The following IQCB1 variants were observed in gnomAD, a reference collection of about 807,000 sequenced individuals.
IQCB1 encodes IQ motif containing B1.
A neutral mutation model predicts 84.4 loss-of-function variants in IQCB1; 56 were observed. That is an observed-to-expected ratio of 0.66 (90% confidence interval 0.54 to 0.83). IQCB1 has a LOEUF of 0.83. IQCB1 is among the 40% of genes least tolerant of loss of function. The pLI is 0.00. For synonymous variants in IQCB1, 210 were observed against 234.8 expected (o/e 0.89, Z 0.96); for missense variants, 629 against 682.1 (o/e 0.92, Z 0.87).
chr3:121,834,823 C>T (rs547712975), intron 1 of IQCB1, 143 bp downstream of exon 1: 34 of 234,764 alleles, frequency 1.4e-4, no homozygotes, highest in Middle Eastern at 1.7e-3. Context: ...CAGATCTCTA[C>T]AGAGTGGGCG....
At chr3:121,819,092 T>G (rs2108620341) in intron 5 of IQCB1, among the ~76,000 whole-genome samples, 1 of 152,306 alleles carries the variant, frequency 6.6e-6, no homozygotes, top group African/African-American at 2.4e-5. Context: ...TGGGGATGAT[T>G]CAAGCCCATT....
At chr3:121,777,508 G>A (rs903323591) in intron 13 of IQCB1, among the ~76,000 whole-genome samples, 8 of 152,048 alleles carry the variant, frequency 5.3e-5, no homozygotes, top group Non-Finnish European at 1.2e-4. Flanking sequence ...AATATTATGT[G>A]ACCACTGTTG....
intron 5 of IQCB1, among the ~76,000 whole-genome samples, chr3:121,811,210 G>A (rs552652782): frequency 2.6e-5 from 4 of 152,158 alleles, no homozygotes; most frequent in Middle Eastern, 6.8e-3. Context: ...CCTAGCCAAG[G>A]GAAGGGAGGG....
chr3:121,774,338 A>G (rs1336092308), intron 13 of IQCB1, among the ~76,000 whole-genome samples: 1 of 152,244 alleles, frequency 6.6e-6, no homozygotes, highest in South Asian at 2.1e-4. Flanking sequence ...GTAGAAATGT[A>G]AAATGGTACA....
At chr3:121,813,090 C>T (rs1559789187) in intron 5 of IQCB1, among the ~76,000 whole-genome samples, 1 of 151,762 alleles carries the variant, frequency 6.6e-6, no homozygotes, top group Admixed American at 6.6e-5. Flanking sequence ...ACCCTACAAG[C>T]CAAAAGAGAG....
intron 7 of IQCB1, among the ~76,000 whole-genome samples, chr3:121,807,113 T>G (rs1359527967): frequency 6.8e-6 from 1 of 147,678 alleles, no homozygotes; most frequent in East Asian, 1.9e-4. Context: ...TCCAGTCTTT[T>G]GTAGTATTTT....
intron 7 of IQCB1, among the ~76,000 whole-genome samples, chr3:121,805,859 C>G (rs1244168674): frequency 6.6e-6 from 1 of 152,134 alleles, no homozygotes; most frequent in African/African-American, 2.4e-5. Flanking sequence ...ATGTATAGCT[C>G]TCTTCTCTAG....
intron 6 of IQCB1, 31 bp downstream of exon 6, chr3:121,808,885 C>G (rs1949712830): frequency 5.4e-6 from 7 of 1,291,020 alleles, no homozygotes; most frequent in African/African-American, 1.5e-5. Flanking sequence ...TCTACAATAG[C>G]TATTAGTTAC....
At chr3:121,800,780 A>C (rs1306405826) in intron 7 of IQCB1, among the ~76,000 whole-genome samples, 1 of 147,804 alleles carries the variant, frequency 6.8e-6, no homozygotes, top group Non-Finnish European at 1.5e-5. Context: ...TCTCTATACC[A>C]CTACCATCTT....
chr3:121,792,828 C>T (rs975673502), intron 10 of IQCB1, among the ~76,000 whole-genome samples: 1 of 152,090 alleles, frequency 6.6e-6, no homozygotes, highest in East Asian at 1.9e-4. Context: ...TAAATAACAT[C>T]GAGTTATTTT....
At chr3:121,820,656 C>A (rs1271207458) in intron 5 of IQCB1, among the ~76,000 whole-genome samples, 4 of 152,170 alleles carry the variant, frequency 2.6e-5, no homozygotes, top group African/African-American at 9.6e-5. Flanking sequence ...TGGCTTATCA[C>A]TTCTCTTAAA....
At chr3:121,824,085 A>C (rs902948581) in intron 5 of IQCB1, among the ~76,000 whole-genome samples, 2 of 152,232 alleles carry the variant, frequency 1.3e-5, no homozygotes, top group African/African-American at 4.8e-5. Flanking sequence ...GCTATTTAAA[A>C]CAGACTCATT....
chr3:121,785,644 T>C (rs116821411), intron 12 of IQCB1, among the ~76,000 whole-genome samples: 71 of 152,270 alleles, frequency 4.7e-4, no homozygotes, highest in African/African-American at 1.7e-3. Flanking sequence ...ATATAAAACA[T>C]ACAACAATAT....
intron 5 of IQCB1, among the ~76,000 whole-genome samples, chr3:121,817,868 G>A (rs561991840): frequency 6.6e-6 from 1 of 152,146 alleles, no homozygotes; most frequent in South Asian, 2.1e-4. Flanking sequence ...ACATGAAAGA[G>A]ACAAGAGAGC....
chr3:121,778,927 T>C (rs1347051931), intron 13 of IQCB1, among the ~76,000 whole-genome samples: 7 of 151,840 alleles, frequency 4.6e-5, no homozygotes, highest in Admixed American at 3.9e-4. Context: ...GGTATCTTCT[T>C]GCTTGCACTG....
intron 10 of IQCB1, 98 bp from the exon 11 acceptor site, chr3:121,790,313 T>G: frequency 9.1e-7 from 1 of 1,097,684 alleles, no homozygotes; most frequent in South Asian, 1.4e-5. Context: ...AGAAAAAATT[T>G]TAAGATAATT....
Position 121,799,209 on chromosome 3 carries a change from A to C in IQCB1, c.753T>G (p.Ser251Arg). The C allele has an allele frequency of 4.4e-6, 7 of 1,607,948 alleles. No homozygotes were observed. The highest frequency in any genetic ancestry group is 6.0e-6 in the Non-Finnish European group (7 of 1,176,152). Residue 251 changes from serine (S) to arginine (R), a missense_variant, in exon 8 of 15, where the codon AGT (serine) becomes AGG (arginine). Physicochemically the swap from Ser to Arg is moderately radical, Grantham distance 110. Transcript: ENST00000310864. The part of the protein sequence containing the change: ...HQEILILLRQ[S>R]TCYKGLRRLL... ...TGAATGTACTACCTTTGTAGCAGGT[A>C]CTTTGTCTCAGTAAAATCAAAATTT...
intron 5 of IQCB1, among the ~76,000 whole-genome samples, chr3:121,820,336 C>G (rs1275227514): frequency 6.6e-6 from 1 of 152,122 alleles, no homozygotes; most frequent in African/African-American, 2.4e-5. Context: ...TCTTTGCCTT[C>G]AGTTTTCTTC....
At chr3:121,788,572 T>C in intron 11 of IQCB1, 140 bp from the exon 12 acceptor site, 1 of 822,790 alleles carries the variant, frequency 1.2e-6, no homozygotes, top group South Asian at 1.6e-5. Context: ...ATTCTACTAT[T>C]TTACCATGGT....
Sources: allele counts gnomAD v4.1 joint callset (sites outside exome capture counted in the v4.1 genomes callset), GRCh38; gene constraint gnomAD v4.1.1; transcripts MANE v1.5; gene names NCBI Gene and HGNC (gene_info 2026-07-23, HGNC 2026-07-21).